Variants in ASXL2 observed in about 807,000 individuals in gnomAD.
The protein encoded by ASXL2 is ASXL transcriptional regulator 2, also known as putative Polycomb group protein ASXL2.
Under a neutral mutation model 122.0 loss-of-function variants are expected in ASXL2, and 23 were observed. The observed-to-expected ratio is 0.19, with a 90% CI of 0.14 to 0.27. The LOEUF (loss-of-function observed/expected upper bound fraction) is 0.27, where lower values mean the gene tolerates loss of function less well. Ranked by LOEUF, ASXL2 falls within the 10% of genes least tolerant of loss-of-function variation. ASXL2 has a pLI of 1.00. For missense variants in ASXL2, 1,518 were observed against 1,713.8 expected (o/e 0.89, Z 2.02); for synonymous variants, 650 against 637.0 (o/e 1.02, Z -0.31).
chr2:25,843,421 G>T (rs1362578326), intron 2 of ASXL2, among the ~76,000 whole-genome samples: 6 of 151,980 alleles, frequency 3.9e-5, no homozygotes, highest in Non-Finnish European at 8.8e-5. Flanking sequence ...TTACAGGCGT[G>T]AGCCATTGCA....
rs144814765 is a variant in ASXL2, at chr2:25,858,887, C to T, written c.58-13324G>A. On this transcript the variant is annotated intron_variant, in intron 1 of 12. Coordinates refer to ENST00000435504, the MANE Select transcript of ASXL2 (RefSeq NM_018263.6). ...GGAGTGCAGTGGTGTGATCTCGGCT[C>T]ACTGGAACCTCCGTCTCCTGGGTTC... 5.4e-3 allele frequency among the ~76,000 whole-genome samples: 766 copies of T among 142,726 alleles called. 5 individuals are homozygous for T. Among genetic ancestry groups the T allele is most frequent in the African/African-American group, 0.019 (720 of 38,722 alleles). 93.6% of individuals were successfully genotyped at this position (142,726 alleles called of 152,430 possible). A position where few individuals can be genotyped will look rare whatever the true frequency, so the allele number is the denominator to read the frequency against.
In ASXL2 at chr2:25,750,225, T is replaced by C; in HGVS notation, c.1331A>G (p.Lys444Arg). 6.2e-7 allele frequency: 1 copy of C among 1,614,028 alleles called. No homozygotes were observed. The highest frequency in any genetic ancestry group is 2.2e-5 in the East Asian group (1 of 44,888). ...EALQMSSPGR[K>R]EECESQGEVQ... ...TTCACCTTGGCTTTCACACTCTTCTTTTCTGCCTGGTGATGACATTTGCAA... is the reference window on the plus strand; with the variant it reads ...TTCACCTTGGCTTTCACACTCTTCTCTTCTGCCTGGTGATGACATTTGCAA... The change falls in exon 12 of 13, where the codon AAA (lysine) becomes AGA (arginine). Residue 444 changes from lysine to arginine, a missense_variant. Around this residue, in one of 8 missense-constraint regions of ASXL2, gnomAD observed 292 missense variants for 293.5 expected, o/e 1.00. Coordinates refer to ENST00000435504, the MANE Select transcript of ASXL2 (RefSeq NM_018263.6).
chr2:25,878,394 T>A lies in ASXL2; in HGVS notation c.-172A>T. On this transcript the variant is annotated 5_prime_UTR_variant, in exon 1 of 13. Coordinates refer to ENST00000435504, the MANE Select transcript of ASXL2 (RefSeq NM_018263.6). ...GCGGCGGGGGTGGTGCGCGGGGGGG[T>A]CTATGGGGCGGCCGGTCCTCTTGCT... 32 of 536,342 alleles carry A rather than the reference T, an allele frequency of 6.0e-5. No homozygotes were observed. Among genetic ancestry groups the A allele is most frequent in the Non-Finnish European group, 8.3e-5 (25 of 302,458 alleles). 33.2% of individuals were successfully genotyped at this position (536,342 alleles called of 1,614,324 possible).
intron 8 of ASXL2, among the ~76,000 whole-genome samples, chr2:25,761,031 A>G (rs2088233236): frequency 1.3e-5 from 2 of 152,222 alleles, no homozygotes; most frequent in African/African-American, 2.4e-5. Context: ...TAGCCAAACA[A>G]TTTACCCTCA....
chr2:25,844,796 C>T (rs2089630641), intron 2 of ASXL2, among the ~76,000 whole-genome samples: 1 of 151,990 alleles, frequency 6.6e-6, no homozygotes, highest in East Asian at 1.9e-4. Context: ...CACACCACCA[C>T]ATCTAGTTAA....
intron 3 of ASXL2, among the ~76,000 whole-genome samples, chr2:25,809,075 T>TTA (rs2149175772): frequency 6.6e-6 from 1 of 152,288 alleles, no homozygotes; most frequent in East Asian, 1.9e-4. Context: ...GATAGCACTT[T>TTA]TAGAGAGAGC....
At chr2:25,779,429 C>T (rs113657158) in intron 5 of ASXL2, among the ~76,000 whole-genome samples, 132 of 152,008 alleles carry the variant, frequency 8.7e-4, no homozygotes, top group African/African-American at 3.0e-3. Context: ...TTTCTTCCCG[C>T]CTAACATTTC....
intron 1 of ASXL2, among the ~76,000 whole-genome samples, chr2:25,860,235 C>T (rs552767101): frequency 5.9e-5 from 9 of 151,808 alleles, no homozygotes; most frequent in African/African-American, 9.7e-5. Flanking sequence ...CACTTGAACC[C>T]GGGAGGCAGA....
intron 1 of ASXL2, among the ~76,000 whole-genome samples, chr2:25,857,682 C>T (rs2089797323): frequency 6.6e-6 from 1 of 152,136 alleles, no homozygotes; most frequent in African/African-American, 2.4e-5. Flanking sequence ...CCCTGACTAT[C>T]CTATTTAAAT....
At chr2:25,830,625 CAAAA>C (rs755161150) in intron 3 of ASXL2, among the ~76,000 whole-genome samples, 1 of 81,664 alleles carries the variant, frequency 1.2e-5, no homozygotes. Flanking sequence ...GACTCTGCCT[CAAAA>C]AAAAAAAAAA....
chr2:25,811,099 C>CACACACACACACAA (rs1327866217), intron 3 of ASXL2, among the ~76,000 whole-genome samples: 17 of 144,412 alleles, frequency 1.2e-4, no homozygotes, highest in Non-Finnish European at 2.1e-4. Flanking sequence ...CACACACACA[C>CACACACACACACAA]AAAATCAGCC....
chr2:25,742,871 T>C lies in ASXL2; in HGVS notation c.3466A>G (p.Thr1156Ala). 1 of 1,614,000 alleles carries C rather than the reference T, an allele frequency of 6.2e-7. No individual in the cohort carries two copies. Among genetic ancestry groups the C allele is most frequent in the African/African-American group, 1.3e-5 (1 of 75,030 alleles). Reference protein sequence around the residue: ...PEDRFCLSSPTEALKMGYTDC... With the variant: ...PEDRFCLSSPAEALKMGYTDC... ...GTATATCCCATTTTCAAGGCTTCAG[T>C]GGGGCTGCTTAGACAAAAACGATCT... The change falls in exon 13 of 13, where the codon ACT (threonine) becomes GCT (alanine). Residue 1156 changes from threonine to alanine, a missense_variant. By Grantham distance (58) the Thr-to-Ala change is moderately conservative. Around this residue, in one of 8 missense-constraint regions of ASXL2, gnomAD observed 831 missense variants for 833.1 expected, o/e 1.00. Coordinates refer to ENST00000435504, the MANE Select transcript of ASXL2 (RefSeq NM_018263.6).
At chr2:25,781,801 T>C (rs1221147259) in intron 5 of ASXL2, among the ~76,000 whole-genome samples, 1 of 151,718 alleles carries the variant, frequency 6.6e-6, no homozygotes, top group African/African-American at 2.4e-5. Context: ...CCCGAGCAGC[T>C]GGGACTACAG....
chr2:25,761,605 G>T (rs35904704), intron 8 of ASXL2, among the ~76,000 whole-genome samples: 1 of 150,048 alleles, frequency 6.7e-6, no homozygotes, highest in Non-Finnish European at 1.5e-5. Context: ...CCCGGGAGGC[G>T]GAGCTTGCAG....
chr2:25,780,941 T>A (rs983482465), intron 5 of ASXL2, among the ~76,000 whole-genome samples: 1 of 150,598 alleles, frequency 6.6e-6, no homozygotes, highest in Non-Finnish European at 1.5e-5. Flanking sequence ...CAAAATAGCC[T>A]GAGGTGGTGG....
Position 25,744,712 on chromosome 2 carries a change from C to T in ASXL2, c.1861-236G>A, listed in dbSNP as rs983487500. 3.3e-5 allele frequency among the ~76,000 whole-genome samples: 5 copies of T among 152,208 alleles called. No homozygotes were observed. The highest frequency in any genetic ancestry group is 7.2e-5 in the African/African-American group (3 of 41,454). ...AAGACGACTGCTTCCACTCTCACCC[C>T]AAATCCCCACACCTCTTTTCCTATC... On this transcript the variant is annotated intron_variant, in intron 12 of 12. Coordinates refer to ENST00000435504, the MANE Select transcript of ASXL2 (RefSeq NM_018263.6). The surrounding 1 kb of genome is among the most constrained non-coding windows in gnomAD (Gnocchi z 4.7).
At chr2:25,822,726 C>A in intron 3 of ASXL2, 2 of 692,188 alleles carry the variant, frequency 2.9e-6, no homozygotes, top group Non-Finnish European at 5.1e-6. Flanking sequence ...CCAGTCATAG[C>A]CAAGGTTAAC....
intron 1 of ASXL2, among the ~76,000 whole-genome samples, chr2:25,869,973 A>G (rs1428172368): frequency 1.3e-5 from 2 of 151,744 alleles, no homozygotes; most frequent in Non-Finnish European, 2.9e-5. Context: ...GTGGTGATGC[A>G]TGTCTGTGGT....
At chr2:25,816,384 A>G (rs550837568) in intron 3 of ASXL2, among the ~76,000 whole-genome samples, 1 of 152,364 alleles carries the variant, frequency 6.6e-6, no homozygotes, top group South Asian at 2.1e-4. Context: ...GTGACCTTGC[A>G]GTACGTTACA....
Sources: allele counts gnomAD v4.1 joint callset (sites outside exome capture counted in the v4.1 genomes callset), GRCh38; gene constraint gnomAD v4.1.1; regional missense constraint gnomAD v4.1.1; non-coding constraint Gnocchi (gnomAD v3.1); transcripts MANE v1.5; gene names NCBI Gene and HGNC (gene_info 2026-07-23, HGNC 2026-07-21).